IL6ST: variants seen among roughly 807,000 people sequenced by gnomAD.
IL6ST encodes interleukin-6 receptor subunit beta.
IL6ST carries 24 observed loss-of-function variants against 91.3 expected under a neutral mutation model. That is an observed-to-expected ratio of 0.26 (90% CI 0.19 to 0.37). The LOEUF is 0.37. IL6ST is among the 10% of genes least tolerant of loss of function. The probability of loss-of-function intolerance (pLI) is 1.00; values close to 1 mark genes in which losing one functional copy is unlikely to be tolerated. For missense variants in IL6ST, 914 were observed against 1,078.5 expected (o/e 0.85, Z 2.14); for synonymous variants, 351 against 373.6 (o/e 0.94, Z 0.70).
intron 3 of IL6ST, among the ~76,000 whole-genome samples, chr5:55,972,198 C>T (rs867482318): frequency 5.3e-5 from 8 of 152,192 alleles, no homozygotes; most frequent in Non-Finnish European, 1.0e-4. Flanking sequence ...TTTAATCACA[C>T]AGAATAAGAG....
intron 1 of IL6ST, among the ~76,000 whole-genome samples, chr5:55,991,007 G>A (rs1754294301): frequency 6.6e-6 from 1 of 151,142 alleles, no homozygotes; most frequent in Non-Finnish European, 1.5e-5. Flanking sequence ...TTCTGTCCTT[G>A]CAACAGTTTG....
chr5:55,961,811 A>G (rs1752334867), intron 7 of IL6ST, among the ~76,000 whole-genome samples: 1 of 151,918 alleles, frequency 6.6e-6, no homozygotes, highest in African/African-American at 2.4e-5. Context: ...GAAAATCAAC[A>G]TGCCAATTTC....
chr5:55,952,331 A>G lies in IL6ST; in HGVS notation c.1471T>C (p.Cys491Arg), dbSNP rs779063261. 2.5e-6 allele frequency: 4 copies of G among 1,597,676 alleles called. No homozygotes were observed. The highest frequency in any genetic ancestry group is 3.4e-6 in the Non-Finnish European group (4 of 1,167,766). Residue 491 changes from cysteine to arginine, a missense_variant, in exon 12 of 17, where the codon TGC (cysteine) becomes CGC (arginine). Cys to Arg is a radical substitution (Grantham distance 180). Transcript: ENST00000381298. ...YLRGNLAESK[C>R]YLITVTPVYA... Reference sequence around the variant, plus strand: ...ACTGGAGTAACTGTTATCAAATAGCATTTGCTCTCTGCTAAGTTCCCTAAA... The same window carrying G: ...ACTGGAGTAACTGTTATCAAATAGCGTTTGCTCTCTGCTAAGTTCCCTAAA...
intron 5 of IL6ST, among the ~76,000 whole-genome samples, chr5:55,966,736 T>C (rs1354111303): frequency 1.3e-5 from 2 of 152,138 alleles, no homozygotes; most frequent in Non-Finnish European, 2.9e-5. Context: ...AAAATGTTAA[T>C]TGTAGAATCT....
chr5:55,972,146 G>C (rs1189037427), intron 3 of IL6ST, among the ~76,000 whole-genome samples: 1 of 152,016 alleles, frequency 6.6e-6, no homozygotes, highest in Non-Finnish European at 1.5e-5. Context: ...ATATACTCTA[G>C]AGTTCTAAAA....
chr5:55,936,299 T>C lies in IL6ST; in HGVS notation c.*4783A>G. 1 of 221,752 alleles carries C rather than the reference T, an allele frequency of 4.5e-6. No individual in the cohort carries two copies. The highest frequency in any genetic ancestry group is 8.9e-6 in the Non-Finnish European group (1 of 112,130). 13.7% of individuals were successfully genotyped at this position (221,752 alleles called of 1,614,324 possible). A position where few individuals can be genotyped will look rare whatever the true frequency, so the allele number is the denominator to read the frequency against. ...GGGTGGGCACAGACAGGCCACAAGA[T>C]GGCGCAGCACCTCCATACTTGGGCT... On this transcript the variant is annotated 3_prime_UTR_variant, in exon 17 of 17. Coordinates refer to ENST00000381298, the MANE Select transcript of IL6ST (RefSeq NM_002184.4).
At chr5:55,942,634 G>A (rs925843548) in intron 16 of IL6ST, 36 bp downstream of exon 16, 6 of 1,127,274 alleles carry the variant, frequency 5.3e-6, no homozygotes, top group Admixed American at 1.7e-5. Flanking sequence ...TAACATGTCT[G>A]TATATTATAA....
intron 15 of IL6ST, 106 bp downstream of exon 15, chr5:55,947,387 C>G: frequency 1.4e-6 from 1 of 694,188 alleles, no homozygotes; most frequent in Non-Finnish European, 2.6e-6. Context: ...TATGTAATTA[C>G]AAAAATTCAT....
chr5:55,978,719 C>T (rs774717509), intron 2 of IL6ST, among the ~76,000 whole-genome samples: 19 of 152,122 alleles, frequency 1.2e-4, no homozygotes, highest in African/African-American at 2.2e-4. Flanking sequence ...AGCGAGACTC[C>T]GTCTCAAAAC....
chr5:55,978,301 C>G (rs181002840), intron 2 of IL6ST: 1 of 152,210 alleles, frequency 6.6e-6, no homozygotes, highest in Non-Finnish European at 1.5e-5. Flanking sequence ...TTAAGTAACC[C>G]TAAACTTGAA....
At chr5:55,960,309 A>T in intron 8 of IL6ST, 93 bp downstream of exon 8, 1 of 952,044 alleles carries the variant, frequency 1.1e-6, no homozygotes, top group Non-Finnish European at 1.6e-6. Context: ...ATGATCACAA[A>T]CTAAGAAGCA....
chr5:55,964,795 C>T (rs764545695), intron 5 of IL6ST, among the ~76,000 whole-genome samples: 8 of 152,100 alleles, frequency 5.3e-5, no homozygotes, highest in Non-Finnish European at 1.0e-4. Flanking sequence ...TTTCTGATTT[C>T]TATCACCATG....
chr5:55,982,914 A>C, intron 1 of IL6ST, 103 bp from the exon 2 acceptor site: 1 of 394,472 alleles, frequency 2.5e-6, no homozygotes, highest in Non-Finnish European at 4.5e-6. Flanking sequence ...GGGTTTGCAG[A>C]AAGTATCCTA....
In IL6ST at chr5:55,941,241, T is replaced by A. The variant is rs372381572; in HGVS notation, c.2598A>T (p.Lys866Asn). The A allele has an allele frequency of 7.0e-5, 113 of 1,614,166 alleles. No individual in the cohort carries two copies. The highest frequency in any genetic ancestry group is 6.6e-4 in the Middle Eastern group (4 of 6,062). ...ISQSCGSGQM[K>N]MFQEVSAADA... ...CTGCTGCAGAAACTTCCTGAAACATTTTCATTTGCCCAGATCCACAGGATT... is the reference window on the plus strand; with the variant it reads ...CTGCTGCAGAAACTTCCTGAAACATATTCATTTGCCCAGATCCACAGGATT... The change falls in exon 17 of 17, where the codon AAA becomes AAT. Residue 866 changes from lysine to asparagine, a missense_variant. Lys to Asn is a moderately conservative substitution (Grantham distance 94). Coordinates refer to ENST00000381298, the MANE Select transcript of IL6ST (RefSeq NM_002184.4).
At chr5:55,951,880 G>C in intron 13 of IL6ST, 49 bp downstream of exon 13, 1 of 1,181,682 alleles carries the variant, frequency 8.5e-7, no homozygotes, top group Non-Finnish European at 1.2e-6. Context: ...GTACTTAAAA[G>C]CTTAAGGAAA....
intron 9 of IL6ST, among the ~76,000 whole-genome samples, chr5:55,956,938 A>C (rs1254992928): frequency 6.6e-6 from 1 of 152,138 alleles, no homozygotes; most frequent in Non-Finnish European, 1.5e-5. Context: ...GGCAGGCAGA[A>C]CATGAGGTCA....
intron 14 of IL6ST, among the ~76,000 whole-genome samples, chr5:55,950,780 T>C (rs1041625834): frequency 4.0e-5 from 6 of 151,240 alleles, no homozygotes; most frequent in Non-Finnish European, 8.9e-5. Flanking sequence ...CCCAGGAGTT[T>C]GAGACCAGCC....
intron 5 of IL6ST, among the ~76,000 whole-genome samples, chr5:55,964,643 C>G (rs150906231): frequency 6.4e-4 from 97 of 151,972 alleles, no homozygotes; most frequent in African/African-American, 2.3e-3. Flanking sequence ...AAAACAGAAC[C>G]CTTACTGTAC....
At position 55,941,328 on chromosome 5, in the gene IL6ST, A is replaced by C. The variant is rs1321587143; in HGVS notation, c.2511T>G (p.Val837=). The change falls in exon 17 of 17, where the codon GTT becomes GTG. Residue 837 remains valine, a synonymous_variant. Coordinates refer to ENST00000381298, the MANE Select transcript of IL6ST (RefSeq NM_002184.4). ...DISHFERSKQ[V]SSVNEEDFVR... ...CAAAATCTTCCTCATTGACTGATGA[A>C]ACTTGCTTTGACCTTTCAAAATGTG... The C allele has an allele frequency of 3.7e-6, 6 of 1,613,984 alleles. No homozygotes were observed. Among genetic ancestry groups the C allele is most frequent in the African/African-American group, 1.3e-5 (1 of 74,926 alleles).
Sources: allele counts gnomAD v4.1 joint callset (sites outside exome capture counted in the v4.1 genomes callset), GRCh38; gene constraint gnomAD v4.1.1; transcripts MANE v1.5; gene names NCBI Gene and HGNC (gene_info 2026-07-23, HGNC 2026-07-21).